Variants in PRIM2 observed in about 807,000 individuals in gnomAD.
PRIM2 encodes DNA primase large subunit.
A neutral mutation model predicts 67.3 loss-of-function variants in PRIM2; 39 were observed. That is an observed-to-expected ratio of 0.58 (90% CI 0.45 to 0.76). The LOEUF (loss-of-function observed/expected upper bound fraction) is 0.76, where lower values mean the gene tolerates loss of function less well. PRIM2 is among the 30% of genes least tolerant of loss of function. The pLI is 0.00. For missense variants in PRIM2, 398 were observed against 598.7 expected (o/e 0.66, Z 3.50); for synonymous variants, 143 against 198.7 (o/e 0.72, Z 2.36).
At chr6:57,402,793 C>T (rs1770756500) in intron 7 of PRIM2, among the ~76,000 whole-genome samples, 1 of 152,086 alleles carries the variant, frequency 6.6e-6, no homozygotes, top group Middle Eastern at 3.2e-3. Flanking sequence ...TAAAATATTA[C>T]CCCTGCCCAC....
At chr6:57,452,985 G>A (rs1772610392) in intron 7 of PRIM2, among the ~76,000 whole-genome samples, 1 of 152,178 alleles carries the variant, frequency 6.6e-6, no homozygotes, top group South Asian at 2.1e-4. Context: ...AAGGGATCCA[G>A]TTTCAGCTTT....
the PRIM2 span, among the ~76,000 whole-genome samples, chr6:57,274,418 CCT>C: frequency 6.6e-6 from 1 of 152,208 alleles, no homozygotes; most frequent in African/African-American, 2.4e-5. Flanking sequence ...GGCATAGGAC[CCT>C]CTGAGCCAGG....
At chr6:57,391,133 A>C (rs1770330997) in intron 7 of PRIM2, among the ~76,000 whole-genome samples, 1 of 73,396 alleles carries the variant, frequency 1.4e-5, no homozygotes, top group Non-Finnish European at 2.8e-5. Context: ...TTCTCTAATG[A>C]TCAATTGATA....
At chr6:57,428,474 T>C (rs1415483762) in intron 7 of PRIM2, among the ~76,000 whole-genome samples, 3 of 152,352 alleles carry the variant, frequency 2.0e-5, no homozygotes, top group Admixed American at 2.0e-4. Flanking sequence ...AAACTATTGA[T>C]AATCTTTGCC....
intron 10 of PRIM2, 60 bp from the exon 11 acceptor site, chr6:57,601,033 T>C: frequency 1.0e-5 from 15 of 1,463,694 alleles, no homozygotes; most frequent in Non-Finnish European, 1.4e-5. Context: ...CTTGTGTTGC[T>C]GACCTCACTA....
intron 11 of PRIM2, among the ~76,000 whole-genome samples, chr6:57,604,529 C>A (rs1168672434): frequency 6.6e-6 from 1 of 152,026 alleles, no homozygotes; most frequent in Non-Finnish European, 1.5e-5. Context: ...GAGTGGGCAT[C>A]CTTGTCTTGT....
intron 10 of PRIM2, among the ~76,000 whole-genome samples, chr6:57,577,734 CT>C (rs1775990107): frequency 1.3e-5 from 2 of 152,080 alleles, no homozygotes; most frequent in African/African-American, 2.4e-5. Flanking sequence ...CAGCCATAAA[CT>C]TTTTATTTGT....
intron 13 of PRIM2, among the ~76,000 whole-genome samples, chr6:57,637,639 G>A (rs1473005962): frequency 6.6e-6 from 1 of 151,978 alleles, no homozygotes; most frequent in African/African-American, 2.4e-5. Context: ...ATTGACAAGC[G>A]GAAGAACAGA....
intron 5 of PRIM2, among the ~76,000 whole-genome samples, chr6:57,366,816 G>T (rs1287721354): frequency 6.6e-6 from 1 of 152,142 alleles, no homozygotes; most frequent in Non-Finnish European, 1.5e-5. Flanking sequence ...TCTGTAAGTG[G>T]GGAGCAGCTG....
the PRIM2 span, among the ~76,000 whole-genome samples, chr6:57,303,863 G>A: frequency 6.6e-6 from 1 of 152,168 alleles, no homozygotes; most frequent in African/African-American, 2.4e-5. Context: ...TCGAACTCGT[G>A]ACCTCAAGTG....
At chr6:57,288,399 G>A in the PRIM2 span, among the ~76,000 whole-genome samples, 3 of 152,180 alleles carry the variant, frequency 2.0e-5, no homozygotes, top group Non-Finnish European at 2.9e-5. Flanking sequence ...GACAGCTTCC[G>A]AAGACCTAAA....
chr6:57,233,874 G>C, the PRIM2 span, among the ~76,000 whole-genome samples: 487 of 152,094 alleles, frequency 3.2e-3, 2 homozygotes, highest in Non-Finnish European at 4.4e-3. Context: ...TGTTGCCCAG[G>C]CTGGACTCAA....
intron 5 of PRIM2, among the ~76,000 whole-genome samples, chr6:57,342,621 A>C (rs1183012652): frequency 1.3e-5 from 2 of 152,226 alleles, no homozygotes; most frequent in Non-Finnish European, 2.9e-5. Context: ...TAATGGTAGG[A>C]TGCTTTTCAT....
At chr6:57,633,656 T>C (rs1490362093) in intron 13 of PRIM2, among the ~76,000 whole-genome samples, 41 of 151,988 alleles carry the variant, frequency 2.7e-4, no homozygotes, top group Non-Finnish European at 4.6e-4. Context: ...TGGAAGACAA[T>C]TTTTCCATGG....
At chr6:57,362,491 CT>C (rs1231123411) in intron 5 of PRIM2, among the ~76,000 whole-genome samples, 1 of 151,990 alleles carries the variant, frequency 6.6e-6, no homozygotes, top group Non-Finnish European at 1.5e-5. Flanking sequence ...TACTATGCTA[CT>C]GTTAGCTGCT....
At chr6:57,640,698 A>G (rs1354564877) in intron 13 of PRIM2, among the ~76,000 whole-genome samples, 1 of 152,174 alleles carries the variant, frequency 6.6e-6, no homozygotes, top group African/African-American at 2.4e-5. Context: ...TTGAAGGAGA[A>G]CTACAAACCA....
At chr6:57,473,637 C>A (rs1773392233) in intron 7 of PRIM2, among the ~76,000 whole-genome samples, 1 of 152,110 alleles carries the variant, frequency 6.6e-6, no homozygotes, top group East Asian at 1.9e-4. Context: ...CTTATTCCTT[C>A]CAGAAGTAAA....
intron 7 of PRIM2, among the ~76,000 whole-genome samples, chr6:57,461,360 TG>T (rs1462794530): frequency 6.6e-6 from 1 of 152,146 alleles, no homozygotes; most frequent in Non-Finnish European, 1.5e-5. Flanking sequence ...GGATAAACCT[TG>T]TAGTTCAGGA....
the PRIM2 span, among the ~76,000 whole-genome samples, chr6:57,253,800 A>G: frequency 6.6e-6 from 1 of 152,200 alleles, no homozygotes; most frequent in African/African-American, 2.4e-5. Context: ...TGCCTCTGAA[A>G]CCCTTGTGCT....
Sources: gnomAD v4.1 joint callset for allele counts (sites outside exome capture counted in the v4.1 genomes callset) on GRCh38, gnomAD v4.1.1 for gene constraint, MANE v1.5 for transcripts, NCBI Gene and HGNC (gene_info 2026-07-23, HGNC 2026-07-21) for gene names.